OSBPL10: variants seen among roughly 807,000 people sequenced by gnomAD.
The protein encoded by OSBPL10 is oxysterol binding protein like 10, also known as oxysterol-binding protein-related protein 10.
Under a neutral mutation model 81.7 loss-of-function variants are expected in OSBPL10, and 49 were observed. That is an observed-to-expected ratio of 0.60 (90% CI 0.48 to 0.76). The LOEUF (loss-of-function observed/expected upper bound fraction) is 0.76, where lower values mean the gene tolerates loss of function less well. Among genes scored for constraint, OSBPL10 ranks in the 30% least tolerant of loss-of-function variants. The pLI is 0.00. For missense variants in OSBPL10, 923 were observed against 987.8 expected (o/e 0.93, Z 0.88); for synonymous variants, 419 against 383.6 (o/e 1.09, Z -1.08).
At chr3:31,672,243 C>A (rs987687992) in intron 8 of OSBPL10, among the ~76,000 whole-genome samples, 1 of 151,520 alleles carries the variant, frequency 6.6e-6, no homozygotes, top group African/African-American at 2.4e-5. Context: ...CAATGATTAT[C>A]GTTTTAATAA....
At chr3:31,844,486 T>A (rs186993900) in intron 3 of OSBPL10, among the ~76,000 whole-genome samples, 1 of 152,260 alleles carries the variant, frequency 6.6e-6, no homozygotes, top group Non-Finnish European at 1.5e-5. Context: ...AATGAAGTAT[T>A]GATACATGCA....
chr3:31,771,360 A>C (rs1698375487), intron 4 of OSBPL10, among the ~76,000 whole-genome samples: 1 of 151,858 alleles, frequency 6.6e-6, no homozygotes, highest in Admixed American at 6.6e-5. Flanking sequence ...CTGAGTGGGT[A>C]AGTTCAATAT....
intron 1 of OSBPL10, among the ~76,000 whole-genome samples, chr3:31,964,726 G>A (rs1698264952): frequency 6.6e-6 from 1 of 152,148 alleles, no homozygotes; most frequent in Admixed American, 6.5e-5. Context: ...TGAAATACTT[G>A]TGTGCTTTCA....
rs552152786 is a variant in OSBPL10, at chr3:31,877,711, G to A, written c.458-1199C>T. Among the ~76,000 whole-genome samples, 4 of 152,168 alleles carry A rather than the reference G, an allele frequency of 2.6e-5. No homozygotes were observed. In the East Asian group the frequency reaches 5.8e-4, roughly 22 times the overall value. On this transcript the variant is annotated intron_variant, in intron 2 of 11. Transcript: ENST00000396556. ...TCTAGAGTTACCAAATGGGAAATTC[G>A]TTGCTTAGTCCTATTTAAGGCATGA...
intron 10 of OSBPL10, among the ~76,000 whole-genome samples, chr3:31,666,350 G>C (rs1484697484): frequency 6.6e-6 from 1 of 152,228 alleles, no homozygotes; most frequent in Non-Finnish European, 1.5e-5. Flanking sequence ...AATGGGACTG[G>C]AGTTCCCTTC....
intron 1 of OSBPL10, among the ~76,000 whole-genome samples, chr3:31,967,233 G>T (rs1175883123): frequency 6.6e-6 from 1 of 152,090 alleles, no homozygotes; most frequent in South Asian, 2.1e-4. Flanking sequence ...GCCACTCCAG[G>T]TTTTTTGTTT....
At chr3:31,906,485 C>T (rs561343402) in intron 1 of OSBPL10, among the ~76,000 whole-genome samples, 23 of 152,238 alleles carry the variant, frequency 1.5e-4, no homozygotes, top group African/African-American at 5.5e-4. Context: ...TCATTATCAT[C>T]CTCCCTATCT....
intron 11 of OSBPL10, chr3:31,662,557 C>CTG (rs200991337): frequency 0.047 from 47,282 of 1,001,228 alleles, 1,578 homozygotes; most frequent in East Asian, 0.32. Context: ...AACAAATCAG[C>CTG]ACACACAAGA....
At chr3:31,964,737 A>C (rs966997585) in intron 1 of OSBPL10, among the ~76,000 whole-genome samples, 2 of 152,338 alleles carry the variant, frequency 1.3e-5, no homozygotes, top group Admixed American at 1.3e-4. Context: ...TGTGCTTTCA[A>C]ACAATGAACA....
intron 1 of OSBPL10, among the ~76,000 whole-genome samples, chr3:31,943,901 G>A (rs1697609745): frequency 6.9e-6 from 1 of 145,414 alleles, no homozygotes; most frequent in African/African-American, 2.6e-5. Context: ...CCAGGAAGCG[G>A]AGGTTCGAGT....
intron 7 of OSBPL10, among the ~76,000 whole-genome samples, chr3:31,698,321 C>T (rs1006871850): frequency 1.3e-5 from 2 of 151,776 alleles, no homozygotes; most frequent in African/African-American, 2.4e-5. Flanking sequence ...CATGGTGACA[C>T]GCACCTGTGA....
intron 4 of OSBPL10, among the ~76,000 whole-genome samples, chr3:31,766,978 A>G (rs1208372250): frequency 6.6e-6 from 1 of 152,212 alleles, no homozygotes; most frequent in African/African-American, 2.4e-5. Context: ...CTGCCAGGTT[A>G]TAGAGGAGAT....
At chr3:31,789,135 C>T (rs528504385) in intron 4 of OSBPL10, among the ~76,000 whole-genome samples, 142 of 152,314 alleles carry the variant, frequency 9.3e-4, no homozygotes, top group Non-Finnish European at 1.6e-3. Context: ...CATGCCACCA[C>T]GCCCAGCTAA....
At chr3:31,754,373 C>T (rs1411839183) in intron 4 of OSBPL10, among the ~76,000 whole-genome samples, 4 of 152,044 alleles carry the variant, frequency 2.6e-5, no homozygotes, top group African/African-American at 7.2e-5. Flanking sequence ...AAGAGAGTGA[C>T]GGTGGCAATA....
chr3:31,988,993 T>C (rs1219199790), intron 2 of OSBPL10: 23 of 1,536,328 alleles, frequency 1.5e-5, no homozygotes, highest in Non-Finnish European at 1.9e-5. Context: ...GATAATTTGT[T>C]TCTCGGAAAC....
chr3:31,862,506 C>A (rs57421703), intron 3 of OSBPL10, among the ~76,000 whole-genome samples: 7,730 of 151,374 alleles, frequency 0.051, 652 homozygotes, highest in African/African-American at 0.18. Flanking sequence ...TTTCTAAAAA[C>A]AAAAAGAATG....
At chr3:32,066,574 A>T (rs1340150119) in intron 1 of OSBPL10, 1 of 152,262 alleles carries the variant, frequency 6.6e-6, no homozygotes, top group Non-Finnish European at 1.5e-5. Context: ...AAACTCAGTG[A>T]CAGGAGCAGC....
intron 1 of OSBPL10, among the ~76,000 whole-genome samples, chr3:32,068,417 C>A (rs796366250): frequency 2.6e-4 from 39 of 152,236 alleles, no homozygotes; most frequent in African/African-American, 9.1e-4. Flanking sequence ...CTCCCCACCC[C>A]CCTTCTCCGT....
At chr3:31,850,874 G>A (rs1392136254) in intron 3 of OSBPL10, among the ~76,000 whole-genome samples, 1 of 152,140 alleles carries the variant, frequency 6.6e-6, no homozygotes, top group Non-Finnish European at 1.5e-5. Context: ...ACAGCTCAAG[G>A]TCAAGGCCAA....
Sources: gnomAD v4.1 joint callset for allele counts (sites outside exome capture counted in the v4.1 genomes callset) on GRCh38, gnomAD v4.1.1 for gene constraint, MANE v1.5 for transcripts, NCBI Gene and HGNC (gene_info 2026-07-23, HGNC 2026-07-21) for gene names.